Variants in ZFP90 observed in about 807,000 individuals in gnomAD.
The protein encoded by ZFP90 is ZFP90 zinc finger protein.
A neutral mutation model predicts 60.8 loss-of-function variants in ZFP90; 38 were observed. That is an observed-to-expected ratio of 0.62 (90% CI 0.48 to 0.82). The LOEUF (loss-of-function observed/expected upper bound fraction) is 0.82. ZFP90 is among the 40% of genes least tolerant of loss of function. The pLI, the probability that ZFP90 is intolerant of heterozygous loss-of-function variation, is 0.00. For missense variants in ZFP90, 711 were observed against 759.1 expected, an observed-to-expected ratio of 0.94 and a Z score of 0.74; for synonymous variants, 287 against 264.8, an observed-to-expected ratio of 1.08 and a Z score of -0.82.
rs1156452091 is a variant in ZFP90, at chr16:68,575,857, CAAGA to C, written c.296_299del (p.Lys99IlefsTer10). ...AAGGGCGAAAGAAGACAGAAACTTC[CAAGA>C]AAGAATCCTGAGTGATGTCAGCAAG... On this transcript the variant is annotated frameshift_variant, in exon 3 of 3. Coordinates refer to the ZFP90 transcript ENST00000573113. LOFTEE classifies it high-confidence loss of function. The C allele has an allele frequency of 2.5e-6, 1 of 398,284 alleles. No homozygotes were observed. Among genetic ancestry groups the C allele is most frequent in the Non-Finnish European group, 4.4e-6 (1 of 226,026 alleles). 24.7% of individuals were successfully genotyped at this position (398,284 alleles called of 1,614,324 possible).
Position 68,564,558 on chromosome 16 carries a change from C to CG in ZFP90, c.1772dup (p.Thr594AsnfsTer5), listed in dbSNP as rs1567412307. The stretch of plus-strand genomic sequence containing the variant: ...ATGTAATGAATGTGGGAGAGCCTTC[C>CG]GAAAAAAAACCAACCTGCATGATCA... On this transcript the variant is annotated frameshift_variant, in exon 5 of 5. Coordinates refer to ENST00000563169, the MANE Select transcript of ZFP90 (RefSeq NM_001305203.2). LOFTEE classifies it high-confidence loss of function. 2.5e-6 allele frequency: 4 copies of CG among 1,612,484 alleles called. No homozygotes were observed. The highest frequency in any genetic ancestry group is 1.7e-5 in the Admixed American group (1 of 59,788).
rs570163425 is a variant in ZFP90, at chr16:68,565,694, T to G, written c.*996T>G. 7 of 983,972 alleles carry G rather than the reference T, an allele frequency of 7.1e-6. No homozygotes were observed. In the African/African-American group the frequency reaches 1.1e-4, roughly 15 times the overall value. 61.0% of individuals were successfully genotyped at this position (983,972 alleles called of 1,614,324 possible). On this transcript the variant is annotated 3_prime_UTR_variant, in exon 5 of 5. Coordinates refer to ENST00000563169, the MANE Select transcript of ZFP90 (RefSeq NM_001305203.2). ...GATCAATGGGAAAACAACAGAAAACTAAGAGGAGAATTTTCCCGTTAATTT... is the reference window on the plus strand; with the variant it reads ...GATCAATGGGAAAACAACAGAAAACGAAGAGGAGAATTTTCCCGTTAATTT...
At chr16:68,536,585 A>T (rs971027916), upstream of ZFP90, among the ~76,000 whole-genome samples, 6 of 152,088 alleles carry the variant, frequency 3.9e-5, no homozygotes, top group African/African-American at 1.4e-4. Context: ...ATTATAGGCC[A>T]CTGTGCCTGG....
downstream of ZFP90, among the ~76,000 whole-genome samples, chr16:68,571,511 AC>A (rs1357999630): frequency 6.6e-6 from 1 of 152,122 alleles, no homozygotes; most frequent in African/African-American, 2.4e-5. Flanking sequence ...CCACACAACC[AC>A]CTGCTTGGTT....
chr16:68,543,137 G>A (rs759346071), intron 2 of ZFP90, among the ~76,000 whole-genome samples: 1 of 152,094 alleles, frequency 6.6e-6, no homozygotes, highest in Admixed American at 6.5e-5. Context: ...GGCGATGAGG[G>A]AGTAGATGTG....
intron 3 of ZFP90, 68 bp downstream of exon 3, chr16:68,558,192 G>A: frequency 6.3e-7 from 1 of 1,593,468 alleles, no homozygotes. Context: ...CTATAGTGGT[G>A]GTGCCCAGAG....
In ZFP90 at chr16:68,563,473, A is replaced by G; in HGVS notation, c.686A>G (p.His229Arg). ...AFIHRSSLTK[H>R]EKTHKGEGAF... is the part of the protein sequence containing the mutation. Reference sequence around the variant, plus strand: ...ATTCATAGATCATCGCTTACTAAACATGAGAAAACACATAAAGGAGAGGGA... The same window carrying G: ...ATTCATAGATCATCGCTTACTAAACGTGAGAAAACACATAAAGGAGAGGGA... The change falls in exon 5 of 5, where the codon CAT becomes CGT. Residue 229 changes from histidine to arginine, a missense_variant. By Grantham distance (29) the His-to-Arg change is conservative. Around this residue, in one of 5 missense-constraint regions of ZFP90, gnomAD observed 241 missense variants for 247.6 expected, o/e 0.97. Coordinates refer to ENST00000563169, the MANE Select transcript of ZFP90 (RefSeq NM_001305203.2). 1 of 1,614,222 alleles carries G rather than the reference A, an allele frequency of 6.2e-7. No homozygotes were observed. Among genetic ancestry groups the G allele is most frequent in the Non-Finnish European group, 8.5e-7 (1 of 1,180,026 alleles).
intron 2 of ZFP90, among the ~76,000 whole-genome samples, chr16:68,540,134 A>G (rs1265096780): frequency 6.6e-6 from 1 of 152,102 alleles, no homozygotes; most frequent in Non-Finnish European, 1.5e-5. Context: ...TGTCAATAAG[A>G]AATGGAGAGA....
intron 2 of ZFP90, among the ~76,000 whole-genome samples, chr16:68,543,311 T>C (rs2091086047): frequency 6.6e-6 from 1 of 152,226 alleles, no homozygotes; most frequent in African/African-American, 2.4e-5. Context: ...GAATGATGAA[T>C]CCTAGGATAA....
At chr16:68,535,314 C>T (rs2090952299), upstream of ZFP90, among the ~76,000 whole-genome samples, 1 of 152,170 alleles carries the variant, frequency 6.6e-6, no homozygotes, top group Non-Finnish European at 1.5e-5. Context: ...GAAAGATATC[C>T]ACCAACGCCC....
At chr16:68,557,413 G>A (rs911444061) in intron 2 of ZFP90, 4 of 364,820 alleles carry the variant, frequency 1.1e-5, no homozygotes, top group Non-Finnish European at 1.7e-5. Flanking sequence ...AGTTCAATAA[G>A]GTGCAATTAT....
upstream of ZFP90, among the ~76,000 whole-genome samples, chr16:68,536,533 G>A (rs1256306086): frequency 1.3e-5 from 2 of 152,076 alleles, no homozygotes; most frequent in African/African-American, 2.4e-5. Context: ...GGAACGCCTA[G>A]GCTCAAGCGA....
intron 2 of ZFP90, 37 bp from the exon 3 acceptor site, chr16:68,557,961 G>C (rs770749505): frequency 1.9e-6 from 3 of 1,612,236 alleles, no homozygotes; most frequent in South Asian, 2.2e-5. Context: ...ACATTTGTGG[G>C]GTTGATCCCC....
At position 68,564,207 on chromosome 16, in the gene ZFP90, G is replaced by A. The variant is rs758872930; in HGVS notation, c.1420G>A (p.Ala474Thr). Residue 474 changes from alanine to threonine, a missense_variant, in exon 5 of 5, where the codon GCA becomes ACA. Coordinates refer to ENST00000563169, the MANE Select transcript of ZFP90 (RefSeq NM_001305203.2). ...DFTDHQRIHT[A>T]ENPYDCEQAF... ...TACTGACCATCAGAGGATCCATACT[G>A]CAGAGAACCCCTATGATTGTGAGCA... The A allele has an allele frequency of 1.2e-6, 2 of 1,613,990 alleles. No individual in the cohort carries two copies. Among genetic ancestry groups the A allele is most frequent in the Admixed American group, 1.7e-5 (1 of 60,012 alleles).
chr16:68,563,957 A>G lies in ZFP90; in HGVS notation c.1170A>G (p.Gly390=). 6.2e-7 allele frequency: 1 copy of G among 1,614,134 alleles called. No homozygotes were observed. Among genetic ancestry groups the G allele is most frequent in the Non-Finnish European group, 8.5e-7 (1 of 1,180,024 alleles). Residue 390 remains glycine, a synonymous_variant, in exon 5 of 5, where the codon GGA becomes GGG. Coordinates refer to ENST00000563169, the MANE Select transcript of ZFP90 (RefSeq NM_001305203.2). ...TCCAACATGAGAGGACTCATACTGG[A>G]GAGAAACCTTTTGAATGTAGCATAT... ...SLVQHERTHT[G]EKPFECSICG...
At chr16:68,575,683 C>T (rs1403031334) in intron 2 of ZFP90, 2 of 394,592 alleles carry the variant, frequency 5.1e-6, no homozygotes, top group Non-Finnish European at 4.5e-6. Flanking sequence ...GATGGGAAGA[C>T]AGGTTCTCAA....
At position 68,558,557 on chromosome 16, in the gene ZFP90, C is replaced by G; in HGVS notation, c.245C>G (p.Pro82Arg). The G allele has an allele frequency of 6.2e-7, 1 of 1,613,686 alleles. No individual in the cohort carries two copies. The highest frequency in any genetic ancestry group is 8.5e-7 in the Non-Finnish European group (1 of 1,179,754). Residue 82 changes from proline (P) to arginine (R), a missense_variant, in exon 4 of 5, where the codon CCT becomes CGT. Pro to Arg is a moderately radical substitution (Grantham distance 103, BLOSUM62 -2). This residue lies in a region of ZFP90 where 241 missense variants were observed against 247.6 expected (regional missense o/e 0.97). Coordinates refer to ENST00000563169, the MANE Select transcript of ZFP90 (RefSeq NM_001305203.2). ...ATATCAGAGGGAGAAATCCAACGAC[C>G]TTTCTATCCAGGTAAATGAGTGAGA... ...PWISEGEIQRPFYPDWKTRPE... is the reference protein window; with the variant it reads ...PWISEGEIQRRFYPDWKTRPE...
downstream of ZFP90, among the ~76,000 whole-genome samples, chr16:68,571,023 TAGAGAC>T (rs1158884932): frequency 1.3e-5 from 2 of 152,178 alleles, no homozygotes; most frequent in South Asian, 2.1e-4. Flanking sequence ...AGGGGGAACT[TAGAGAC>T]AGAAGTGTGG....
At chr16:68,536,368 G>A (rs988639347), upstream of ZFP90, among the ~76,000 whole-genome samples, 15 of 152,218 alleles carry the variant, frequency 9.9e-5, no homozygotes, top group African/African-American at 3.4e-4. Context: ...ACAGTGGCAC[G>A]ATCTCAGCTC....
Sources: gnomAD v4.1 joint callset for allele counts (sites outside exome capture counted in the v4.1 genomes callset) on GRCh38, gnomAD v4.1.1 for gene constraint, gnomAD v4.1.1 regional missense constraint, MANE v1.5 for transcripts, NCBI Gene and HGNC (gene_info 2026-07-23, HGNC 2026-07-21) for gene names.